The following GABPB1 variants were observed in gnomAD, a reference collection of about 807,000 sequenced individuals.
The protein encoded by GABPB1 is GA-binding protein subunit beta-1.
GABPB1 carries 15 observed loss-of-function variants against 45.9 expected under a neutral mutation model. The observed-to-expected ratio is 0.33, with a 90% CI of 0.22 to 0.50. GABPB1 has a LOEUF of 0.50. Ranked by LOEUF, GABPB1 falls within the 20% of genes least tolerant of loss-of-function variation. The probability of loss-of-function intolerance (pLI) is 0.98; values close to 1 mark genes in which losing one functional copy is unlikely to be tolerated. For missense variants in GABPB1, 252 were observed against 457.5 expected (o/e 0.55, Z 4.10); for synonymous variants, 143 against 154.4 (o/e 0.93, Z 0.55).
chr15:50,322,638 T>C lies in GABPB1; in HGVS notation c.1-12840A>G, dbSNP rs184971725. Among the ~76,000 whole-genome samples the C allele has an allele frequency of 6.6e-5, 10 of 152,344 alleles. No homozygotes were observed. In the East Asian group the frequency reaches 1.9e-3, roughly 29 times the overall value. ...GTGGCTAGTCCAAATTGAGATGTGCTATAAATATAACATACCAGATTTTGA... is the reference window on the plus strand; with the variant it reads ...GTGGCTAGTCCAAATTGAGATGTGCCATAAATATAACATACCAGATTTTGA... On this transcript the variant is annotated intron_variant, in intron 1 of 8. Transcript: ENST00000380877.
At chr15:50,306,249 G>A (rs112503261) in intron 2 of GABPB1, among the ~76,000 whole-genome samples, 56 of 152,184 alleles carry the variant, frequency 3.7e-4, no homozygotes, top group African/African-American at 1.2e-3. Flanking sequence ...GATTACAAGC[G>A]TAAGCCACTG....
intron 6 of GABPB1, among the ~76,000 whole-genome samples, chr15:50,295,697 T>C (rs1305662703): frequency 1.3e-5 from 2 of 152,042 alleles, no homozygotes; most frequent in African/African-American, 4.8e-5. Flanking sequence ...CAAAATGGTA[T>C]GAGTTGGAAT....
At chr15:50,327,776 G>A (rs1309190053) in intron 1 of GABPB1, among the ~76,000 whole-genome samples, 1 of 152,102 alleles carries the variant, frequency 6.6e-6, no homozygotes, top group East Asian at 1.9e-4. Context: ...GTGCATGCCT[G>A]TAATCCCAGC....
intron 8 of GABPB1, among the ~76,000 whole-genome samples, chr15:50,282,644 A>T (rs2046023623): frequency 6.6e-6 from 1 of 152,072 alleles, no homozygotes; most frequent in Non-Finnish European, 1.5e-5. Context: ...TAAAAAAAAA[A>T]GATTGAAAAG....
At chr15:50,281,447 G>A (rs140036771) in intron 8 of GABPB1, among the ~76,000 whole-genome samples, 2,135 of 152,184 alleles carry the variant, frequency 0.014, 49 homozygotes, top group African/African-American at 0.048. Flanking sequence ...TCCTGACCTC[G>A]TGATCTGCCC....
At chr15:50,340,658 AT>A (rs1211728338) in intron 1 of GABPB1, among the ~76,000 whole-genome samples, 2 of 150,888 alleles carry the variant, frequency 1.3e-5, no homozygotes, top group East Asian at 2.0e-4. Context: ...GAACTTCCTC[AT>A]TTTTTTATAC....
chr15:50,321,956 C>T (rs1293764929), intron 1 of GABPB1, among the ~76,000 whole-genome samples: 1 of 146,382 alleles, frequency 6.8e-6, no homozygotes. Context: ...TTTTTATTGG[C>T]AGCAACTCAA....
rs2046282746 is a variant in GABPB1, at chr15:50,289,663, C to T, written c.703G>A (p.Ala235Thr). 2 of 1,598,056 alleles carry T rather than the reference C, an allele frequency of 1.3e-6. No homozygotes were observed. The highest frequency in any genetic ancestry group is 1.7e-6 in the Non-Finnish European group (2 of 1,174,530). Residue 235 changes from alanine to threonine, a missense_variant, in exon 7 of 9, where the codon GCC becomes ACC. Physicochemically the swap from Ala to Thr is moderately conservative, Grantham distance 58. Transcript: ENST00000380877. ...LSNSSETPVV[A>T]TEEVVTAESV... ...TCTGCAGTAACTACTTCTTCTGTGGCCACTACTGGAAAAAAAAAAAAGAAA... is the reference window on the plus strand; with the variant it reads ...TCTGCAGTAACTACTTCTTCTGTGGTCACTACTGGAAAAAAAAAAAAGAAA...
intron 1 of GABPB1, among the ~76,000 whole-genome samples, chr15:50,320,429 A>C (rs779788837): frequency 1.1e-4 from 16 of 152,198 alleles, no homozygotes; most frequent in Non-Finnish European, 1.9e-4. Flanking sequence ...TGGCCTCCCA[A>C]AGTGCTGGGA....
intron 6 of GABPB1, among the ~76,000 whole-genome samples, chr15:50,294,715 A>C (rs1287727135): frequency 6.6e-6 from 1 of 152,200 alleles, no homozygotes; most frequent in Non-Finnish European, 1.5e-5. Context: ...AGACCAAAAA[A>C]CAATGTGCAA....
intron 6 of GABPB1, among the ~76,000 whole-genome samples, chr15:50,298,695 G>A (rs1424081417): frequency 6.6e-6 from 1 of 152,220 alleles, no homozygotes; most frequent in East Asian, 1.9e-4. Context: ...GCTCATGCCT[G>A]TAATCCTAGC....
intron 2 of GABPB1, among the ~76,000 whole-genome samples, chr15:50,308,981 T>A (rs2047037528): frequency 6.6e-6 from 1 of 152,168 alleles, no homozygotes; most frequent in African/African-American, 2.4e-5. Context: ...ATTACAGGGA[T>A]ATCGTTGATA....
intron 2 of GABPB1, among the ~76,000 whole-genome samples, chr15:50,307,593 T>C (rs998993876): frequency 1.4e-4 from 22 of 151,940 alleles, no homozygotes; most frequent in African/African-American, 5.1e-4. Context: ...TCTCAGCTAC[T>C]TGGGAGGCTG....
intron 8 of GABPB1, chr15:50,282,507 T>TAA: frequency 4.0e-6 from 1 of 247,580 alleles, no homozygotes; most frequent in Non-Finnish European, 8.0e-6. Context: ...TGAGCCATGA[T>TAA]TGCACCACTG....
intron 1 of GABPB1, chr15:50,354,312 G>A (rs976905926): frequency 4.5e-6 from 2 of 448,518 alleles, no homozygotes; most frequent in Admixed American, 2.4e-5. Context: ...CTCCCCCTCA[G>A]GACTCCAGTC....
chr15:50,306,014 G>A (rs189108002), intron 2 of GABPB1, among the ~76,000 whole-genome samples: 8 of 151,662 alleles, frequency 5.3e-5, no homozygotes, highest in Admixed American at 1.3e-4. Flanking sequence ...TTGCTCTGTC[G>A]CCCAGGCTAG....
intron 1 of GABPB1, among the ~76,000 whole-genome samples, chr15:50,325,494 T>C (rs763661675): frequency 9.2e-5 from 14 of 152,024 alleles, no homozygotes; most frequent in Non-Finnish European, 1.0e-4. Context: ...ATATTTCTAC[T>C]GGAGAGAGCT....
intron 1 of GABPB1, among the ~76,000 whole-genome samples, chr15:50,339,274 C>T (rs1025313160): frequency 6.6e-6 from 1 of 152,132 alleles, no homozygotes; most frequent in African/African-American, 2.4e-5. Context: ...GCCAAGATCA[C>T]ACTGCTGCAC....
At position 50,326,152 on chromosome 15, in the gene GABPB1, C is replaced by T. The variant is rs531577053; in HGVS notation, c.1-16354G>A. On this transcript the variant is annotated intron_variant, in intron 1 of 8. Transcript: ENST00000380877. ...GAACCCCTGACATCAGGTGATCCAC[C>T]CACCTCGGCCTCCCAAAGTGCCAAA... Among the ~76,000 whole-genome samples the T allele has an allele frequency of 7.9e-5, 12 of 151,992 alleles. No individual in the cohort carries two copies. In the South Asian group the frequency reaches 2.5e-3, roughly 32 times the overall value.
Sources: allele counts gnomAD v4.1 joint callset (sites outside exome capture counted in the v4.1 genomes callset), GRCh38; gene constraint gnomAD v4.1.1; transcripts MANE v1.5; gene names NCBI Gene and HGNC (gene_info 2026-07-23, HGNC 2026-07-21).